The following UGT3A1 variants were observed in gnomAD, a reference collection of about 807,000 sequenced individuals.
UGT3A1 encodes UDP glycosyltransferase family 3 member A1, also known as UDP-glycosyltransferase 3A1.
UGT3A1 carries 40 observed loss-of-function variants against 37.6 expected under a neutral mutation model. The ratio of observed to expected loss-of-function variants is 1.06; its 90% CI spans 0.83 to 1.38. The LOEUF is 1.38. Ranked by LOEUF, UGT3A1 falls within the 40% of genes most tolerant of loss-of-function variation. UGT3A1 has a pLI of 0.00. For synonymous variants in UGT3A1, 256 were observed against 232.3 expected (o/e 1.10, Z -0.93); for missense variants, 642 against 634.2 (o/e 1.01, Z -0.13).
intron 4 of UGT3A1, among the ~76,000 whole-genome samples, chr5:35,958,627 G>A (rs114727047): frequency 2.6e-5 from 4 of 152,308 alleles, no homozygotes; most frequent in South Asian, 2.1e-4. Context: ...AAATGACTCC[G>A]TAGAGTTTTG....
intron 2 of UGT3A1, among the ~76,000 whole-genome samples, chr5:35,983,274 C>T (rs945627694): frequency 1.3e-5 from 2 of 151,882 alleles, no homozygotes. Context: ...TTACAAACAA[C>T]AATATGCCAA....
intron 2 of UGT3A1, among the ~76,000 whole-genome samples, chr5:35,970,073 G>T (rs781283529): frequency 3.3e-5 from 5 of 152,114 alleles, no homozygotes; most frequent in Non-Finnish European, 5.9e-5. Context: ...GAGAGCTTGT[G>T]CAGGGAAACT....
At chr5:35,955,554 AG>A in intron 6 of UGT3A1, 90 bp downstream of exon 6, 1 of 1,422,190 alleles carries the variant, frequency 7.0e-7, no homozygotes, top group South Asian at 1.2e-5. Flanking sequence ...CAGAAGTTTC[AG>A]CTATTATTGT....
upstream of UGT3A1, among the ~76,000 whole-genome samples, chr5:35,993,462 C>CAA (rs34676179): frequency 1.1e-3 from 159 of 139,602 alleles, no homozygotes; most frequent in Middle Eastern, 3.9e-3. Context: ...GACTCCGTCT[C>CAA]AAAAAAAAAA....
chr5:35,998,210 C>CT (rs1262727054), intron 1 of UGT3A1, among the ~76,000 whole-genome samples: 1 of 152,184 alleles, frequency 6.6e-6, no homozygotes, highest in East Asian at 1.9e-4. Context: ...TCCTTTCTCC[C>CT]TTTTTGCACA....
chr5:35,978,890 A>G (rs1366434264), intron 2 of UGT3A1, among the ~76,000 whole-genome samples: 1 of 152,240 alleles, frequency 6.6e-6, no homozygotes, highest in Non-Finnish European at 1.5e-5. Flanking sequence ...ATGAGGGTAG[A>G]GGCAATGGGT....
chr5:35,976,222 AAAG>A (rs1740262459), intron 2 of UGT3A1, among the ~76,000 whole-genome samples: 2 of 152,210 alleles, frequency 1.3e-5, no homozygotes, highest in Non-Finnish European at 2.9e-5. Context: ...AATGGCAAAG[AAAG>A]AAGTTACTGT....
chr5:35,967,776 G>GAC (rs1039091089), intron 3 of UGT3A1, among the ~76,000 whole-genome samples: 2 of 152,122 alleles, frequency 1.3e-5, no homozygotes, highest in African/African-American at 4.8e-5. Flanking sequence ...CAATTGTTGG[G>GAC]AATGCAAACC....
chr5:35,964,276 C>A (rs2149959174), intron 4 of UGT3A1, among the ~76,000 whole-genome samples: 1 of 152,182 alleles, frequency 6.6e-6, no homozygotes, highest in Non-Finnish European at 1.5e-5. Flanking sequence ...GTAGCTAAGA[C>A]CTCAATTAAA....
chr5:35,958,288 C>A (rs895334766), intron 4 of UGT3A1, among the ~76,000 whole-genome samples: 1 of 152,146 alleles, frequency 6.6e-6, no homozygotes. Context: ...AGATTATGAT[C>A]TAATGCCCTA....
rs147279396 is a variant in UGT3A1, at chr5:35,980,152, AC to A, written c.196+8297del. 5.7e-3 allele frequency among the ~76,000 whole-genome samples: 780 copies of A among 137,576 alleles called. 6 individuals carry two copies. Among genetic ancestry groups the A allele is most frequent in the African/African-American group, 0.018 (756 of 41,206 alleles). The allele number at this position is 137,576 out of a possible 152,430, so 90.3% of individuals were successfully genotyped here. A position where few individuals can be genotyped will look rare whatever the true frequency, so the allele number is the denominator to read the frequency against. On this transcript the variant is annotated intron_variant, in intron 2 of 6. Transcript: ENST00000274278. ...AGTTTATTATTTACAAGTCAATATT[AC>A]TTCTGTAAAATGCTTTAAAAATGAA... is the stretch of plus-strand genomic sequence containing the variant.
chr5:35,968,084 A>G lies in UGT3A1; in HGVS notation c.246T>C (p.Pro82=). The G allele has an allele frequency of 6.2e-7, 1 of 1,613,184 alleles. No homozygotes were observed. Among genetic ancestry groups the G allele is most frequent in the South Asian group, 1.1e-5 (1 of 91,008 alleles). The change falls in exon 3 of 7, where the codon CCT becomes CCC. Residue 82 remains proline (P), a synonymous_variant. Coordinates refer to ENST00000274278, the MANE Select transcript of UGT3A1 (RefSeq NM_152404.4). ...KSYQVIRWFS[P]EDHQKRIKKH... is the part of the protein sequence containing the mutation. ...TCTTAATTCTTTTTTGATGATCTTC[A>G]GGTGAAAACCACCTGATAACTTGGT...
intron 4 of UGT3A1, among the ~76,000 whole-genome samples, chr5:35,960,461 G>T (rs1487909340): frequency 6.6e-6 from 1 of 152,182 alleles, no homozygotes; most frequent in Admixed American, 6.5e-5. Context: ...CAAGGGTGTG[G>T]CTTGTCAGTT....
intron 2 of UGT3A1, among the ~76,000 whole-genome samples, chr5:35,977,008 G>T (rs1740305946): frequency 7.0e-6 from 1 of 142,818 alleles, no homozygotes; most frequent in African/African-American, 2.7e-5. Context: ...AGAAAAGAAA[G>T]AAAGAAAAAG....
upstream of UGT3A1, chr5:35,991,536 T>C: frequency 8.6e-7 from 1 of 1,157,614 alleles, no homozygotes; most frequent in Non-Finnish European, 1.1e-6. Flanking sequence ...ATCACAGCTG[T>C]CCTATCTGGA....
At chr5:35,992,850 C>T (rs1580969255), upstream of UGT3A1, among the ~76,000 whole-genome samples, 5 of 152,208 alleles carry the variant, frequency 3.3e-5, no homozygotes, top group Middle Eastern at 6.8e-3. Context: ...GGACACAAAA[C>T]TCATTTGACC....
At chr5:35,993,920 A>G (rs962283164), upstream of UGT3A1, among the ~76,000 whole-genome samples, 7 of 152,082 alleles carry the variant, frequency 4.6e-5, no homozygotes, top group Admixed American at 6.6e-5. Context: ...CAAACAAACA[A>G]ACAAACAAAC....
intron 3 of UGT3A1, 37 bp downstream of exon 3, chr5:35,967,982 T>G (rs1739879281): frequency 1.3e-6 from 2 of 1,497,942 alleles, no homozygotes; most frequent in African/African-American, 2.8e-5. Flanking sequence ...ATCACTAAAA[T>G]AGTGACTCTT....
intron 4 of UGT3A1, among the ~76,000 whole-genome samples, chr5:35,963,862 T>C (rs1162001219): frequency 2.0e-5 from 3 of 152,076 alleles, no homozygotes; most frequent in Non-Finnish European, 4.4e-5. Context: ...ATGCCTGTAG[T>C]TGTCGGAATG....
Sources: gnomAD v4.1 joint callset for allele counts (sites outside exome capture counted in the v4.1 genomes callset) on GRCh38, gnomAD v4.1.1 for gene constraint, MANE v1.5 for transcripts, NCBI Gene and HGNC (gene_info 2026-07-23, HGNC 2026-07-21) for gene names.